NPLOC4: variants seen among roughly 807,000 people sequenced by gnomAD.
NPLOC4 encodes nuclear protein localization protein 4 homolog.
NPLOC4 carries 18 observed loss-of-function variants against 80.6 expected under a neutral mutation model. The observed-to-expected ratio is 0.22, with a 90% CI of 0.15 to 0.33. The LOEUF (loss-of-function observed/expected upper bound fraction) is 0.33, where lower values mean the gene tolerates loss of function less well. NPLOC4 is among the 10% of genes least tolerant of loss of function. NPLOC4 has a pLI of 1.00. For missense variants in NPLOC4, 540 were observed against 786.1 expected, an observed-to-expected ratio of 0.69 and a Z score of 3.74; for synonymous variants, 313 against 301.5, an observed-to-expected ratio of 1.04 and a Z score of -0.39.
At chr17:81,589,210 A>AT in intron 11 of NPLOC4, 106 bp from the exon 12 acceptor site, 1 of 998,382 alleles carries the variant, frequency 1.0e-6, no homozygotes, top group African/African-American at 1.6e-5. Flanking sequence ...AACCCTCAAG[A>AT]GTTTGTCGGG....
intron 12 of NPLOC4, among the ~76,000 whole-genome samples, chr17:81,579,104 G>A (rs2034372327): frequency 6.6e-6 from 1 of 152,212 alleles, no homozygotes; most frequent in African/African-American, 2.4e-5. Context: ...GTTTAGCGTG[G>A]TGGCTCACGC....
At chr17:81,590,874 G>C (rs969235220) in intron 11 of NPLOC4, among the ~76,000 whole-genome samples, 5 of 152,186 alleles carry the variant, frequency 3.3e-5, no homozygotes, top group Non-Finnish European at 5.9e-5. Context: ...GTGATGGCTG[G>C]CTTCAAAACC....
At chr17:81,579,734 T>C (rs567220028) in intron 12 of NPLOC4, among the ~76,000 whole-genome samples, 1 of 152,272 alleles carries the variant, frequency 6.6e-6, no homozygotes, top group East Asian at 1.9e-4. Context: ...TACATGCCCA[T>C]GTCAGTATTT....
chr17:81,559,590 T>C (rs2033779159), intron 16 of NPLOC4, among the ~76,000 whole-genome samples, 174 bp from the exon 17 acceptor site: 2 of 152,186 alleles, frequency 1.3e-5, no homozygotes, highest in Non-Finnish European at 2.9e-5. Context: ...AAGTGCTTAA[T>C]GCCCTCAGAA....
rs543952678 is a variant in NPLOC4, at chr17:81,610,195, C to T, written c.435+15G>A. On this transcript the variant is annotated intron_variant, in intron 5 of 16. Coordinates refer to ENST00000331134, the MANE Select transcript of NPLOC4 (RefSeq NM_017921.4). ...CCCCACACTGGCCCAGAACTTACTC[C>T]GCAGAGACTCTCACCTCTAGAGGGA... The T allele has an allele frequency of 3.4e-5, 53 of 1,566,912 alleles. No individual in the cohort carries two copies. The highest frequency in any genetic ancestry group is 1.1e-4 in the African/African-American group (8 of 73,772).
intron 3 of NPLOC4, among the ~76,000 whole-genome samples, chr17:81,617,811 G>A (rs62074726): frequency 0.094 from 14,349 of 152,064 alleles, 720 homozygotes; most frequent in Middle Eastern, 0.17. Context: ...GGCGCGCGCC[G>A]CCACGCCTGA....
chr17:81,559,825 C>A (rs948124557), intron 16 of NPLOC4, among the ~76,000 whole-genome samples: 1 of 151,252 alleles, frequency 6.6e-6, no homozygotes, highest in African/African-American at 2.4e-5. Context: ...CTCCACCTCC[C>A]GGGTTCAAGC....
rs1191566152 is a variant in NPLOC4 at position 81,567,564 on chromosome 17, C to T, written c.1450-31G>A. 1.5e-6 allele frequency: 2 copies of T among 1,373,718 alleles called. No individual in the cohort carries two copies. The highest frequency in any genetic ancestry group is 2.1e-6 in the Non-Finnish European group (2 of 970,332). 85.1% of individuals were successfully genotyped at this position (1,373,718 alleles called of 1,614,324 possible). A position where few individuals can be genotyped will look rare whatever the true frequency, so the allele number is the denominator to read the frequency against. ...GGAATGGGAATAAACATGAATGTTCCATACAGTTCCCCAGTGCCAGACCCC... is the reference window on the plus strand; with the variant it reads ...GGAATGGGAATAAACATGAATGTTCTATACAGTTCCCCAGTGCCAGACCCC... On this transcript the variant is annotated intron_variant, in intron 14 of 16. Coordinates refer to ENST00000331134, the MANE Select transcript of NPLOC4 (RefSeq NM_017921.4). This position sits in a 1 kb window ranked among gnomAD's most constrained non-coding sequence, Gnocchi z 4.5.
chr17:81,610,405 T>A, intron 4 of NPLOC4, 147 bp from the exon 5 acceptor site: 1 of 692,816 alleles, frequency 1.4e-6, no homozygotes, highest in Middle Eastern at 2.5e-4. Flanking sequence ...TAAACATTTA[T>A]ATTTTAATTG....
intron 4 of NPLOC4, among the ~76,000 whole-genome samples, chr17:81,612,204 G>A (rs4074915): frequency 0.45 from 68,020 of 151,590 alleles, 16,416 homozygotes; most frequent in Non-Finnish European, 0.55. Context: ...TTACGAGGGC[G>A]CCGGCGGCCG....
chr17:81,620,500 A>AAAAT (rs1451658367), intron 3 of NPLOC4, among the ~76,000 whole-genome samples: 1 of 152,174 alleles, frequency 6.6e-6, no homozygotes, highest in Non-Finnish European at 1.5e-5. Context: ...CGTCTCAAAA[A>AAAAT]AAATAAATAA....
intron 8 of NPLOC4, among the ~76,000 whole-genome samples, chr17:81,602,964 C>CAT (rs199530403): frequency 2.2e-5 from 3 of 134,188 alleles, no homozygotes; most frequent in Non-Finnish European, 4.6e-5. Flanking sequence ...TATATACACA[C>CAT]ATATATATAC....
Position 81,559,225 on chromosome 17 carries a change from T to G in NPLOC4, c.*34A>C. 6.4e-7 allele frequency: 1 copy of G among 1,567,556 alleles called. No homozygotes were observed. Among genetic ancestry groups the G allele is most frequent in the Non-Finnish European group, 8.6e-7 (1 of 1,157,170 alleles). On this transcript the variant is annotated 3_prime_UTR_variant, in exon 17 of 17. Transcript: ENST00000331134. ...CTTCTGGCTTCAGGAAGGGCTGGGC[T>G]GGGCCCGGTCCTAGCCAGCAGAGGG...
At chr17:81,627,877 A>T (rs1176016273) in intron 2 of NPLOC4, among the ~76,000 whole-genome samples, 1 of 152,126 alleles carries the variant, frequency 6.6e-6, no homozygotes, top group Non-Finnish European at 1.5e-5. Flanking sequence ...CGGAGGTTGC[A>T]CTGAGCCGAG....
rs948408509 is a variant in NPLOC4, at chr17:81,636,985, C to T, written c.-55G>A. ...CCCGGGCCGCCGCCGCCTGCCGCCC[C>T]AAGGGCCTCGCAGACCCGGCCGCGG... On this transcript the variant is annotated 5_prime_UTR_variant, in exon 1 of 17. Transcript: ENST00000331134. 8.4e-7 allele frequency: 1 copy of T among 1,183,850 alleles called. No individual in the cohort carries two copies. The highest frequency in any genetic ancestry group is 3.4e-5 in the East Asian group (1 of 29,540). 73.3% of individuals were successfully genotyped at this position (1,183,850 alleles called of 1,614,324 possible). A position where few individuals can be genotyped will look rare whatever the true frequency, so the allele number is the denominator to read the frequency against.
chr17:81,601,286 G>A (rs1598653620), intron 8 of NPLOC4, among the ~76,000 whole-genome samples: 1 of 152,214 alleles, frequency 6.6e-6, no homozygotes, highest in African/African-American at 2.4e-5. Flanking sequence ...CCACAAAGAA[G>A]TTTACGTTTG....
In NPLOC4 at chr17:81,590,595, C is replaced by G. The variant is rs530264598; in HGVS notation, c.1121-1491G>C. Among the ~76,000 whole-genome samples, 3 of 152,266 alleles carry G rather than the reference C, an allele frequency of 2.0e-5. No homozygotes were observed. In the South Asian group the frequency reaches 6.2e-4, roughly 32 times the overall value. ...TCCTGGCCCCATGTGATCCTCCTGC[C>G]TCAGCTTCCCAAAGAGCTGGAATTA... On this transcript the variant is annotated intron_variant, in intron 11 of 16. Coordinates refer to ENST00000331134, the MANE Select transcript of NPLOC4 (RefSeq NM_017921.4).
intron 12 of NPLOC4, among the ~76,000 whole-genome samples, chr17:81,575,145 G>A (rs1235745915): frequency 6.6e-6 from 1 of 152,130 alleles, no homozygotes; most frequent in Non-Finnish European, 1.5e-5. Context: ...TGTCGCCCAG[G>A]CTGGAGTGCA....
At chr17:81,573,583 T>C (rs1289374880) in intron 12 of NPLOC4, 5 of 152,326 alleles carry the variant, frequency 3.3e-5, no homozygotes, top group African/African-American at 2.4e-5. Context: ...TTCCTCACTA[T>C]TGTACTTGAC....
Sources: allele counts gnomAD v4.1 joint callset (sites outside exome capture counted in the v4.1 genomes callset), GRCh38; gene constraint gnomAD v4.1.1; non-coding constraint Gnocchi (gnomAD v3.1); transcripts MANE v1.5; gene names NCBI Gene and HGNC (gene_info 2026-07-23, HGNC 2026-07-21).